FER: variants seen among roughly 807,000 people sequenced by gnomAD.
The protein encoded by FER is FER tyrosine kinase, also known as tyrosine-protein kinase Fer.
In FER, 63 loss-of-function variants were observed where a neutral mutation model predicts 111.0. The observed-to-expected ratio is 0.57, with a 90% confidence interval of 0.46 to 0.70. FER has a LOEUF of 0.70. Among genes scored for constraint, FER ranks in the 30% least tolerant of loss-of-function variants. The pLI is 0.00. For synonymous variants in FER, 327 were observed against 313.9 expected (o/e 1.04, Z -0.44); for missense variants, 914 against 954.0 (o/e 0.96, Z 0.55).
chr5:108,792,016 C>G (rs935629858), intron 2 of FER, among the ~76,000 whole-genome samples: 1 of 152,126 alleles, frequency 6.6e-6, no homozygotes, highest in Non-Finnish European at 1.5e-5. Flanking sequence ...GCATTTGGCC[C>G]CTCTAGTCTA....
At chr5:108,849,485 T>TTTG (rs978867226) in intron 5 of FER, among the ~76,000 whole-genome samples, 29 of 152,024 alleles carry the variant, frequency 1.9e-4, no homozygotes, top group Non-Finnish European at 2.9e-4. Context: ...GTTGTTTTGT[T>TTTG]TTGTTGTTGT....
chr5:109,179,327 T>A (rs1163992574), intron 17 of FER, among the ~76,000 whole-genome samples: 3 of 152,222 alleles, frequency 2.0e-5, no homozygotes, highest in African/African-American at 7.2e-5. Flanking sequence ...GTGTGTAATG[T>A]TAGGGATTTA....
intron 10 of FER, among the ~76,000 whole-genome samples, chr5:108,928,085 AGATAATAT>A (rs959301520): frequency 1.3e-5 from 2 of 152,250 alleles, no homozygotes; most frequent in Non-Finnish European, 2.9e-5. Context: ...TGACAAAAAT[AGATAATAT>A]GGCTTAGCAC....
intron 13 of FER, among the ~76,000 whole-genome samples, chr5:109,017,970 G>C (rs1455254444): frequency 1.3e-5 from 2 of 151,762 alleles, no homozygotes; most frequent in Admixed American, 6.6e-5. Context: ...TTTCTCTATA[G>C]ATTCTCTTTT....
intron 17 of FER, among the ~76,000 whole-genome samples, chr5:109,118,147 G>T (rs532509968): frequency 2.0e-5 from 3 of 152,174 alleles, no homozygotes; most frequent in African/African-American, 7.2e-5. Flanking sequence ...CTGTGGGTTT[G>T]TCATAGATAG....
intron 3 of FER, among the ~76,000 whole-genome samples, chr5:108,816,124 A>G (rs1758249079): frequency 1.3e-5 from 2 of 151,294 alleles, no homozygotes; most frequent in Admixed American, 6.6e-5. Context: ...TAATCTATCA[A>G]AAAAAAAACC....
intron 14 of FER, among the ~76,000 whole-genome samples, chr5:109,044,104 G>T (rs939054748): frequency 6.6e-6 from 1 of 152,028 alleles, no homozygotes; most frequent in Non-Finnish European, 1.5e-5. Flanking sequence ...TATCTTCTCG[G>T]TAATGTTTTG....
intron 17 of FER, among the ~76,000 whole-genome samples, chr5:109,146,332 A>C (rs149600668): frequency 7.7e-6 from 1 of 129,964 alleles, no homozygotes; most frequent in African/African-American, 3.0e-5. Context: ...TTTGTTTACC[A>C]GTGAAGTGGA....
chr5:108,847,690 A>G (rs564344743), intron 5 of FER, among the ~76,000 whole-genome samples: 1 of 152,178 alleles, frequency 6.6e-6, no homozygotes, highest in Non-Finnish European at 1.5e-5. Flanking sequence ...TGAAACTATT[A>G]TTGGTATGTA....
intron 5 of FER, among the ~76,000 whole-genome samples, chr5:108,866,410 G>A (rs2150231597): frequency 6.6e-6 from 1 of 152,236 alleles, no homozygotes; most frequent in South Asian, 2.1e-4. Flanking sequence ...ACAGGAAGGG[G>A]AACATTACAC....
intron 16 of FER, among the ~76,000 whole-genome samples, chr5:109,070,309 A>G (rs539331010): frequency 5.9e-5 from 9 of 152,026 alleles, no homozygotes; most frequent in South Asian, 2.1e-4. Context: ...CTTAAGGTCT[A>G]TCCAGTTCAG....
chr5:109,114,393 C>A (rs527237020), intron 17 of FER, among the ~76,000 whole-genome samples: 50 of 152,052 alleles, frequency 3.3e-4, no homozygotes, highest in Admixed American at 1.4e-3. Flanking sequence ...ATATTAAAGT[C>A]AATGGTGCTG....
intron 10 of FER, among the ~76,000 whole-genome samples, chr5:108,936,404 T>A (rs1056072090): frequency 6.6e-6 from 1 of 152,042 alleles, no homozygotes; most frequent in Non-Finnish European, 1.5e-5. Context: ...TCTTCATGGT[T>A]ATAAGTCTGA....
rs1404867054 is a variant in FER at position 109,189,006 on chromosome 5, G to A, written c.*1431G>A. 6.6e-6 allele frequency: 1 copy of A among 152,108 alleles called. No individual in the cohort carries two copies. Among genetic ancestry groups the A allele is most frequent in the Non-Finnish European group, 1.5e-5 (1 of 68,040 alleles). The allele number at this position is 152,108 out of a possible 1,614,324, so 9.4% of individuals were successfully genotyped here. ...AATATTAATGAGAAATATGACATAG[G>A]GACAGCCCTCCCATTTCTACTTCCA... On this transcript the variant is annotated 3_prime_UTR_variant, in exon 20 of 20. Coordinates refer to ENST00000281092, the MANE Select transcript of FER (RefSeq NM_005246.4).
At chr5:109,137,807 A>C (rs1753060683) in intron 17 of FER, among the ~76,000 whole-genome samples, 1 of 152,084 alleles carries the variant, frequency 6.6e-6, no homozygotes, top group African/African-American at 2.4e-5. Context: ...CATCAAAACC[A>C]ATTTTCAGTC....
chr5:108,845,043 T>TATATATAC (rs1761854412), intron 5 of FER, among the ~76,000 whole-genome samples: 5 of 29,334 alleles, frequency 1.7e-4, no homozygotes, highest in Non-Finnish European at 2.5e-4. Flanking sequence ...TATATATACA[T>TATATATAC]ATATATATAT....
At chr5:108,900,034 ATTTAT>A (rs1376937694) in intron 10 of FER, among the ~76,000 whole-genome samples, 2 of 152,202 alleles carry the variant, frequency 1.3e-5, no homozygotes, top group African/African-American at 4.8e-5. Context: ...ATTTTATCAA[ATTTAT>A]TTTAAATTGT....
chr5:109,146,332 A>G lies in FER; in HGVS notation c.2049-34415A>G, dbSNP rs149600668. ...TCTAGTGTTTTTGAATTTGTTTACC[A>G]GTGAAGTGGAGAACCAGGTCCAGCT... On this transcript the variant is annotated intron_variant, in intron 17 of 19. Coordinates refer to ENST00000281092, the MANE Select transcript of FER (RefSeq NM_005246.4). Among the ~76,000 whole-genome samples the G allele has an allele frequency of 2.8e-3, 370 of 129,976 alleles. 5 individuals carry two copies. In the East Asian group the frequency reaches 0.039, roughly 14 times the overall value. 85.3% of individuals were successfully genotyped at this position (129,976 alleles called of 152,430 possible). A position where few individuals can be genotyped will look rare whatever the true frequency, so the allele number is the denominator to read the frequency against.
intron 14 of FER, 24 bp from the exon 15 acceptor site, chr5:109,044,656 C>A: frequency 1.7e-6 from 2 of 1,192,730 alleles, no homozygotes; most frequent in South Asian, 1.5e-5. Flanking sequence ...TTACCCCAGA[C>A]AATGAATGTA....
Sources: gnomAD v4.1 joint callset for allele counts (sites outside exome capture counted in the v4.1 genomes callset) on GRCh38, gnomAD v4.1.1 for gene constraint, MANE v1.5 for transcripts, NCBI Gene and HGNC (gene_info 2026-07-23, HGNC 2026-07-21) for gene names.